Variants in STARD13 observed in about 807,000 individuals in gnomAD.
The protein encoded by STARD13 is StAR related lipid transfer domain containing 13, also known as stAR-related lipid transfer protein 13.
Under a neutral mutation model 106.4 loss-of-function variants are expected in STARD13, and 62 were observed. The observed-to-expected ratio is 0.58, with a 90% CI of 0.48 to 0.72. The LOEUF (loss-of-function observed/expected upper bound fraction) is 0.72, where lower values mean the gene tolerates loss of function less well. Among genes scored for constraint, STARD13 ranks in the 30% least tolerant of loss-of-function variants. The pLI, the probability that STARD13 is intolerant of heterozygous loss-of-function variation, is 0.00. For missense variants in STARD13, 1,387 were observed against 1,424.0 expected (o/e 0.97, Z 0.42); for synonymous variants, 565 against 553.0 (o/e 1.02, Z -0.31).
the STARD13 span, among the ~76,000 whole-genome samples, chr13:33,571,485 CATAACTCA>C: frequency 6.6e-6 from 1 of 152,186 alleles, no homozygotes; most frequent in East Asian, 1.9e-4. Flanking sequence ...ATATTAGTTA[CATAACTCA>C]AATACTCAAG....
the STARD13 span, among the ~76,000 whole-genome samples, chr13:33,613,809 G>T: frequency 6.6e-6 from 1 of 152,292 alleles, no homozygotes; most frequent in African/African-American, 2.4e-5. Context: ...TTAGCAGCAG[G>T]GTGAGGAAGG....
chr13:33,370,177 G>T, the STARD13 span, among the ~76,000 whole-genome samples: 1 of 152,158 alleles, frequency 6.6e-6, no homozygotes, highest in African/African-American at 2.4e-5. Context: ...ACTTAGAACA[G>T]GGCCTGGCAC....
Position 33,130,085 on chromosome 13 carries a change from TGGA to T in STARD13, c.589_591del (p.Ser197del). On this transcript the variant is annotated inframe_deletion, in exon 5 of 14. Transcript: ENST00000336934. This position sits in a 1 kb window ranked among gnomAD's most constrained non-coding sequence, Gnocchi z 4.1. The stretch of plus-strand genomic sequence containing the variant: ...CTGCCTCCACTGCTTTCGCTGTGAA[TGGA>T]GCAGACCTCAGGCTCGCTCAGGTCT... 1.2e-6 allele frequency: 2 copies of T among 1,614,088 alleles called. No homozygotes were observed. The highest frequency in any genetic ancestry group is 2.2e-5 in the South Asian group (2 of 91,068).
chr13:33,210,285 A>T (rs1257431428), intron 1 of STARD13, among the ~76,000 whole-genome samples: 1 of 152,242 alleles, frequency 6.6e-6, no homozygotes, highest in African/African-American at 2.4e-5. Context: ...TTCCGGCAAG[A>T]GTAAATGAAG....
intron 1 of STARD13, among the ~76,000 whole-genome samples, chr13:33,243,318 T>C (rs999090706): frequency 1.3e-5 from 2 of 152,154 alleles, no homozygotes; most frequent in Admixed American, 1.3e-4. Context: ...ATGGTAGGCA[T>C]CAAAGAGAGG....
the STARD13 span, among the ~76,000 whole-genome samples, chr13:33,550,980 GA>G: frequency 6.6e-6 from 1 of 152,202 alleles, no homozygotes; most frequent in African/African-American, 2.4e-5. Context: ...CTGTGCTATA[GA>G]TAAGTATAAA....
chr13:33,550,858 A>G, the STARD13 span, among the ~76,000 whole-genome samples: 9 of 152,140 alleles, frequency 5.9e-5, no homozygotes, highest in Non-Finnish European at 7.4e-5. Context: ...ACTTCCAACA[A>G]TGTATCCTTC....
chr13:33,332,503 A>T (rs1252191578), intron 1 of STARD13, among the ~76,000 whole-genome samples: 6 of 152,114 alleles, frequency 3.9e-5, no homozygotes, highest in Non-Finnish European at 8.8e-5. Context: ...TCTTTCTGCC[A>T]GGTGGGGATA....
intron 1 of STARD13, among the ~76,000 whole-genome samples, chr13:33,256,431 C>T (rs1424060591): frequency 6.6e-6 from 1 of 152,192 alleles, no homozygotes; most frequent in East Asian, 1.9e-4. Context: ...CCACAGTTTT[C>T]ACTTGTTCTA....
chr13:33,163,868 A>G (rs1173242590), intron 3 of STARD13, among the ~76,000 whole-genome samples: 2 of 151,640 alleles, frequency 1.3e-5, no homozygotes, highest in Non-Finnish European at 2.9e-5. Flanking sequence ...GCAAAAAAAT[A>G]TGTGGTTAAA....
chr13:33,549,660 A>G, the STARD13 span, among the ~76,000 whole-genome samples: 1 of 152,232 alleles, frequency 6.6e-6, no homozygotes, highest in Non-Finnish European at 1.5e-5. Context: ...CTATTTCCCC[A>G]TGGATCAATG....
Position 33,110,029 on chromosome 13 carries a change from G to A in STARD13, c.2891C>T (p.Ser964Leu), listed in dbSNP as rs1164508167. 1.9e-6 allele frequency: 3 copies of A among 1,614,130 alleles called. No individual in the cohort carries two copies. The highest frequency in any genetic ancestry group is 2.5e-6 in the Non-Finnish European group (3 of 1,180,056). ...KASVEVEAPP[S>L]VVLNRVLRER... is the part of the protein sequence containing the mutation. The stretch of plus-strand genomic sequence containing the variant: ...TCTCAGCACGCGGTTCAGGACCACT[G>A]AGGGGGGTGCTTCCACCTCCACAGA... The change falls in exon 12 of 14, where the codon TCA becomes TTA. Residue 964 changes from serine (S) to leucine (L), a missense_variant. Transcript: ENST00000336934.
intron 1 of STARD13, among the ~76,000 whole-genome samples, chr13:33,184,039 G>A (rs1176512980): frequency 1.3e-5 from 2 of 152,134 alleles, no homozygotes; most frequent in East Asian, 3.9e-4. Flanking sequence ...GAGTTTTTTG[G>A]GGCACTGAAC....
the STARD13 span, among the ~76,000 whole-genome samples, chr13:33,661,992 G>T: frequency 1.9e-3 from 295 of 152,262 alleles, 2 homozygotes; most frequent in African/African-American, 6.7e-3. Flanking sequence ...GCTGGTCGCG[G>T]TGGCTCATGC....
chr13:33,487,986 G>A, the STARD13 span, among the ~76,000 whole-genome samples: 13 of 152,102 alleles, frequency 8.5e-5, no homozygotes, highest in African/African-American at 2.9e-4. Context: ...CAGCTTCAAA[G>A]CATCTAATCC....
chr13:33,348,182 C>G (rs1468686768), downstream of STARD13, among the ~76,000 whole-genome samples: 1 of 152,210 alleles, frequency 6.6e-6, no homozygotes, highest in Non-Finnish European at 1.5e-5. Context: ...TAAACATTTT[C>G]AAACCTCATA....
At chr13:33,398,702 A>G in the STARD13 span, among the ~76,000 whole-genome samples, 3 of 152,226 alleles carry the variant, frequency 2.0e-5, no homozygotes, top group Non-Finnish European at 4.4e-5. Flanking sequence ...AAGATTCCCA[A>G]TATTATCAGT....
chr13:33,477,556 G>GA, the STARD13 span, among the ~76,000 whole-genome samples: 2 of 152,196 alleles, frequency 1.3e-5, no homozygotes, highest in African/African-American at 4.8e-5. Context: ...GAAGACCCCA[G>GA]AAAAAACTAA....
the STARD13 span, among the ~76,000 whole-genome samples, chr13:33,391,599 C>T: frequency 6.6e-6 from 1 of 152,066 alleles, no homozygotes; most frequent in Admixed American, 6.5e-5. Context: ...TATAAATGAC[C>T]GTTAGGTGGG....
Sources: allele counts gnomAD v4.1 joint callset (sites outside exome capture counted in the v4.1 genomes callset), GRCh38; gene constraint gnomAD v4.1.1; non-coding constraint Gnocchi (gnomAD v3.1); transcripts MANE v1.5; gene names NCBI Gene and HGNC (gene_info 2026-07-23, HGNC 2026-07-21).